The following ZNRF3 variants were observed in gnomAD, a reference collection of about 807,000 sequenced individuals.
ZNRF3 encodes zinc and ring finger 3.
In ZNRF3, 23 loss-of-function variants were observed where a neutral mutation model predicts 72.5. The ratio of observed to expected loss-of-function variants is 0.32; its 90% CI spans 0.23 to 0.45. The LOEUF (loss-of-function observed/expected upper bound fraction) is 0.45. Ranked by LOEUF, ZNRF3 falls within the 20% of genes least tolerant of loss-of-function variation. The probability of loss-of-function intolerance (pLI) is 1.00; values close to 1 mark genes in which losing one functional copy is unlikely to be tolerated. For missense variants in ZNRF3, 1,169 were observed against 1,272.1 expected, an observed-to-expected ratio of 0.92 and a Z score of 1.23; for synonymous variants, 610 against 545.3, an observed-to-expected ratio of 1.12 and a Z score of -1.65.
intron 1 of ZNRF3, among the ~76,000 whole-genome samples, chr22:28,889,523 C>CT (rs2033848594): frequency 6.6e-6 from 1 of 152,182 alleles, no homozygotes. Context: ...TATCACAGCC[C>CT]TATTCTGTAC....
intron 1 of ZNRF3, among the ~76,000 whole-genome samples, chr22:28,924,663 T>C (rs1477788829): frequency 6.6e-6 from 1 of 152,038 alleles, no homozygotes. Flanking sequence ...CTTGAGCCCA[T>C]AAGTTCGAGA....
At chr22:28,990,155 C>T (rs1356177598) in intron 2 of ZNRF3, among the ~76,000 whole-genome samples, 3 of 152,202 alleles carry the variant, frequency 2.0e-5, no homozygotes, top group Non-Finnish European at 2.9e-5. Context: ...CAGGCATGGG[C>T]GCATCTCTCC....
intron 1 of ZNRF3, among the ~76,000 whole-genome samples, chr22:28,919,966 CT>C (rs2034480673): frequency 6.6e-6 from 1 of 151,916 alleles, no homozygotes; most frequent in African/African-American, 2.4e-5. Context: ...CATCAGTGGA[CT>C]TTTATTTTAT....
At chr22:29,036,647 T>A (rs1338261881) in intron 2 of ZNRF3, among the ~76,000 whole-genome samples, 1 of 152,234 alleles carries the variant, frequency 6.6e-6, no homozygotes, top group Non-Finnish European at 1.5e-5. Context: ...TAAAATTTGA[T>A]GTGGATTTTA....
chr22:29,052,384 G>A (rs2037221930), intron 8 of ZNRF3, among the ~76,000 whole-genome samples: 1 of 152,114 alleles, frequency 6.6e-6, no homozygotes, highest in Non-Finnish European at 1.5e-5. Context: ...TCAATGACTT[G>A]CCATTACCTT....
At chr22:28,962,975 TCAC>T (rs2123804860) in intron 1 of ZNRF3, among the ~76,000 whole-genome samples, 1 of 152,308 alleles carries the variant, frequency 6.6e-6, no homozygotes, top group South Asian at 2.1e-4. Flanking sequence ...TTTTGTGACT[TCAC>T]CATATACATG....
chr22:28,999,460 A>G (rs557267863), intron 2 of ZNRF3, among the ~76,000 whole-genome samples: 6 of 152,320 alleles, frequency 3.9e-5, no homozygotes, highest in African/African-American at 1.4e-4. Context: ...TGGGTGATAG[A>G]GCGAGACCCC....
In ZNRF3 at chr22:28,883,755, C is replaced by T. The variant is rs1343966881; in HGVS notation, c.-12C>T. 9.2e-6 allele frequency: 9 copies of T among 980,984 alleles called. No homozygotes were observed. The highest frequency in any genetic ancestry group is 1.1e-5 in the Non-Finnish European group (9 of 828,060). The allele number at this position is 980,984 out of a possible 1,614,324, so 60.8% of individuals were successfully genotyped here. On this transcript the variant is annotated 5_prime_UTR_variant, in exon 1 of 9. Transcript: ENST00000544604. The surrounding 1 kb of genome is among the most constrained non-coding windows in gnomAD (Gnocchi z 5.5). ...GCCGCGCCCGCCCTCCGCGCCCTCC[C>T]GCCGCAGGACCATGAGGCCGCGCTC...
chr22:28,926,057 C>T (rs1047981881), intron 1 of ZNRF3, among the ~76,000 whole-genome samples: 9 of 152,182 alleles, frequency 5.9e-5, no homozygotes, highest in South Asian at 2.1e-4. Flanking sequence ...GGAGGACCAC[C>T]TGGGGCATGG....
rs188387058 is a variant in ZNRF3, at chr22:28,983,330, C to G, written c.301-3746C>G. On this transcript the variant is annotated intron_variant, in intron 1 of 8. Transcript: ENST00000544604. Reference sequence around the variant, plus strand: ...CACCAGCCTGACAGCCCCGAGGGACCCCTGGGTGTGTTTGAGGCTTTCATA... The same window carrying G: ...CACCAGCCTGACAGCCCCGAGGGACGCCTGGGTGTGTTTGAGGCTTTCATA... Among the ~76,000 whole-genome samples, 153 of 152,154 alleles carry G rather than the reference C, an allele frequency of 1.0e-3. 4 individuals are homozygous for G. In the South Asian group the frequency reaches 0.022, roughly 22 times the overall value.
intron 2 of ZNRF3, chr22:29,031,036 CCT>C (rs1428173240): frequency 6.5e-6 from 1 of 152,894 alleles, no homozygotes; most frequent in Admixed American, 6.5e-5. Context: ...GCCGCCCTGG[CCT>C]CTCGCCCCCG....
chr22:28,992,149 T>C (rs987662420), intron 2 of ZNRF3, among the ~76,000 whole-genome samples: 8 of 150,976 alleles, frequency 5.3e-5, no homozygotes, highest in African/African-American at 1.9e-4. Flanking sequence ...TGAGACCCTA[T>C]CTCTCTCCCT....
intron 1 of ZNRF3, among the ~76,000 whole-genome samples, chr22:28,963,302 G>C (rs1459397302): frequency 6.6e-6 from 1 of 152,160 alleles, no homozygotes; most frequent in Non-Finnish European, 1.5e-5. Context: ...AGGGCTCACA[G>C]GCTATAGCCA....
At chr22:29,037,078 A>G (rs1341200901) in intron 2 of ZNRF3, among the ~76,000 whole-genome samples, 3 of 152,212 alleles carry the variant, frequency 2.0e-5, no homozygotes, top group East Asian at 1.9e-4. Flanking sequence ...GTTATTTCCT[A>G]TTAAGACTGT....
At chr22:28,947,590 T>C (rs1196313910) in intron 1 of ZNRF3, among the ~76,000 whole-genome samples, 1 of 152,238 alleles carries the variant, frequency 6.6e-6, no homozygotes, top group African/African-American at 2.4e-5. Flanking sequence ...ATTGTGGTTT[T>C]GGTTTGCACT....
Position 29,050,086 on chromosome 22 carries a change from G to T in ZNRF3, c.1905G>T (p.Ala635=). ...EGSPPPEELP[A]VHSHGAGRGE... is the part of the protein sequence containing the mutation. ...CCCCGCCTCCCGAGGAGCTCCCGGC[G>T]GTGCACAGTCATGGTGCTGGGCGGG... The change falls in exon 8 of 9, where the codon GCG becomes GCT. Residue 635 remains alanine, a synonymous_variant. Transcript: ENST00000544604. 6.2e-7 allele frequency: 1 copy of T among 1,608,300 alleles called. No individual in the cohort carries two copies. The highest frequency in any genetic ancestry group is 8.5e-7 in the Non-Finnish European group (1 of 1,178,726).
rs188307837 is a variant in ZNRF3, at chr22:28,945,733, T to A, written c.301-41343T>A. Among the ~76,000 whole-genome samples the A allele has an allele frequency of 9.3e-4, 141 of 152,182 alleles. No homozygotes were observed. In the Middle Eastern group the frequency reaches 0.01, roughly 11 times the overall value. ...TTAGTAGAGACGGGGTTTCACCATG[T>A]TGGCCAGGATGGTCTCGATCTCTTG... On this transcript the variant is annotated intron_variant, in intron 1 of 8. Coordinates refer to ENST00000544604, the MANE Select transcript of ZNRF3 (RefSeq NM_001206998.2).
intron 2 of ZNRF3, among the ~76,000 whole-genome samples, chr22:29,001,235 A>AT (rs2036139957): frequency 6.6e-6 from 1 of 150,550 alleles, no homozygotes; most frequent in South Asian, 2.1e-4. Context: ...CACCCGGCTA[A>AT]TTTTTTTGTA....
chr22:28,951,633 A>G (rs962934590), intron 1 of ZNRF3, among the ~76,000 whole-genome samples: 3 of 152,140 alleles, frequency 2.0e-5, no homozygotes, highest in Non-Finnish European at 4.4e-5. Context: ...GTAGTTCGTT[A>G]AGGCAGCCCT....
Sources: allele counts gnomAD v4.1 joint callset (sites outside exome capture counted in the v4.1 genomes callset), GRCh38; gene constraint gnomAD v4.1.1; non-coding constraint Gnocchi (gnomAD v3.1); transcripts MANE v1.5; gene names NCBI Gene and HGNC (gene_info 2026-07-23, HGNC 2026-07-21).